The following EPHB2 variants were observed in gnomAD, a reference collection of about 807,000 sequenced individuals.
The protein encoded by EPHB2 is ephrin type-B receptor 2.
A neutral mutation model predicts 96.4 loss-of-function variants in EPHB2; 18 were observed. That is an observed-to-expected ratio of 0.19 (90% CI 0.13 to 0.28). The LOEUF (loss-of-function observed/expected upper bound fraction) is 0.28. Among genes scored for constraint, EPHB2 ranks in the 10% least tolerant of loss-of-function variants. The pLI is 1.00. For missense variants in EPHB2, 989 were observed against 1,355.4 expected (o/e 0.73, Z 4.25); for synonymous variants, 506 against 534.1 (o/e 0.95, Z 0.72).
At chr1:22,757,091 T>G (rs1644163294) in intron 1 of EPHB2, among the ~76,000 whole-genome samples, 1 of 152,148 alleles carries the variant, frequency 6.6e-6, no homozygotes, top group African/African-American at 2.4e-5. Context: ...ACTTACAAAC[T>G]TTTTTAAAAA....
chr1:22,886,342 G>A (rs1332049721), intron 6 of EPHB2, among the ~76,000 whole-genome samples: 1 of 152,208 alleles, frequency 6.6e-6, no homozygotes, highest in Non-Finnish European at 1.5e-5. Context: ...CATCAGGGGA[G>A]GAGGTTGGGA....
At chr1:22,849,821 G>GA (rs1217141874) in intron 3 of EPHB2, among the ~76,000 whole-genome samples, 1 of 152,078 alleles carries the variant, frequency 6.6e-6, no homozygotes, top group East Asian at 1.9e-4. Flanking sequence ...CACTGGCCTG[G>GA]AAAAAAAACT....
intron 3 of EPHB2, among the ~76,000 whole-genome samples, chr1:22,812,364 A>G (rs1645015515): frequency 6.6e-6 from 1 of 152,268 alleles, no homozygotes; most frequent in Non-Finnish European, 1.5e-5. Context: ...GTGGGCAGCA[A>G]TGATGTCAGT....
chr1:22,747,401 C>T (rs996963943), intron 1 of EPHB2, among the ~76,000 whole-genome samples: 4 of 152,218 alleles, frequency 2.6e-5, no homozygotes, highest in Non-Finnish European at 5.9e-5. Flanking sequence ...GCCCAAGGCC[C>T]GACTCAAAAT....
intron 3 of EPHB2, among the ~76,000 whole-genome samples, chr1:22,859,888 C>A (rs1178261787): frequency 1.3e-5 from 2 of 152,154 alleles, no homozygotes; most frequent in Non-Finnish European, 2.9e-5. Flanking sequence ...ATACTCATCA[C>A]CCCAAAAAGA....
intron 1 of EPHB2, among the ~76,000 whole-genome samples, chr1:22,768,374 C>T (rs570076041): frequency 6.6e-6 from 1 of 152,266 alleles, no homozygotes; most frequent in African/African-American, 2.4e-5. Context: ...AAGTCTTAGT[C>T]CTTCAACCTG....
intron 1 of EPHB2, among the ~76,000 whole-genome samples, chr1:22,734,406 C>A (rs1480398995): frequency 6.6e-6 from 1 of 150,554 alleles, no homozygotes; most frequent in African/African-American, 2.4e-5. Context: ...TAAAGTACCA[C>A]CAGAATGTCA....
At chr1:22,820,584 G>A (rs1245514081) in intron 3 of EPHB2, among the ~76,000 whole-genome samples, 1 of 152,100 alleles carries the variant, frequency 6.6e-6, no homozygotes, top group Non-Finnish European at 1.5e-5. Flanking sequence ...GATCACTTGA[G>A]CCCAGGAGGT....
At chr1:22,765,494 C>G (rs908201813) in intron 1 of EPHB2, among the ~76,000 whole-genome samples, 1 of 142,124 alleles carries the variant, frequency 7.0e-6, no homozygotes, top group Non-Finnish European at 1.5e-5. Flanking sequence ...TTGCAGTAAG[C>G]CAAGATGGCG....
intron 1 of EPHB2, among the ~76,000 whole-genome samples, chr1:22,766,495 C>T (rs1644309244): frequency 6.6e-6 from 1 of 152,208 alleles, no homozygotes; most frequent in South Asian, 2.1e-4. Flanking sequence ...ACTAGCCTCC[C>T]CTGAGCTAGG....
At chr1:22,719,804 A>C (rs1229875099) in intron 1 of EPHB2, among the ~76,000 whole-genome samples, 3 of 152,142 alleles carry the variant, frequency 2.0e-5, no homozygotes, top group Non-Finnish European at 4.4e-5. Flanking sequence ...GGGAAGGGAG[A>C]GCTACAAAAA....
chr1:22,853,708 A>G (rs918772721), intron 3 of EPHB2, among the ~76,000 whole-genome samples: 1 of 152,254 alleles, frequency 6.6e-6, no homozygotes, highest in African/African-American at 2.4e-5. Context: ...AGGAACTGGC[A>G]GTGCCTGCGG....
At chr1:22,829,258 C>G (rs1645268403) in intron 3 of EPHB2, among the ~76,000 whole-genome samples, 1 of 152,252 alleles carries the variant, frequency 6.6e-6, no homozygotes, top group Non-Finnish European at 1.5e-5. Flanking sequence ...AAGGTGGGAG[C>G]AGTTGCCTGG....
intron 3 of EPHB2, among the ~76,000 whole-genome samples, chr1:22,817,391 T>C (rs894712224): frequency 1.2e-4 from 18 of 152,186 alleles, no homozygotes; most frequent in African/African-American, 4.3e-4. Flanking sequence ...TCACCGAAGG[T>C]CACACAGCTA....
chr1:22,721,071 G>GT (rs1242683450), intron 1 of EPHB2, among the ~76,000 whole-genome samples: 1 of 152,192 alleles, frequency 6.6e-6, no homozygotes, highest in Non-Finnish European at 1.5e-5. Context: ...GAAAGACCGG[G>GT]TAAGGGGGTG....
In EPHB2 at chr1:22,837,150, A is replaced by G. The variant is rs564075244; in HGVS notation, c.812-25887A>G. On this transcript the variant is annotated intron_variant, in intron 3 of 15. Coordinates refer to ENST00000374630, the MANE Select transcript of EPHB2 (RefSeq NM_017449.5). ...GTCAGGGATGGGAGAGCTGTCAGTC[A>G]TTCAAAAGACGTCCCAACCAGAGGG... Among the ~76,000 whole-genome samples, 79 of 152,342 alleles carry G rather than the reference A, an allele frequency of 5.2e-4. 1 individual carries two copies. The South Asian group carries it at 0.016, about 31-fold the overall frequency.
At position 22,818,970 on chromosome 1, in the gene EPHB2, C is replaced by T. The variant is rs117169807; in HGVS notation, c.811+33894C>T. Among the ~76,000 whole-genome samples, 1,210 of 151,718 alleles carry T rather than the reference C, an allele frequency of 8.0e-3. 32 individuals carry two copies. Among genetic ancestry groups the T allele is most frequent in the East Asian group, 0.048 (245 of 5,102 alleles). On this transcript the variant is annotated intron_variant, in intron 3 of 15. Transcript: ENST00000374630. ...CCCATAGGTTAGAGTGAATGCCCCCCAACCCCAACCTAGGCTCCCCCCTCC... is the reference window on the plus strand; with the variant it reads ...CCCATAGGTTAGAGTGAATGCCCCCTAACCCCAACCTAGGCTCCCCCCTCC...
intron 1 of EPHB2, among the ~76,000 whole-genome samples, chr1:22,768,441 C>T (rs1644335087): frequency 6.6e-6 from 1 of 152,122 alleles, no homozygotes; most frequent in Admixed American, 6.5e-5. Flanking sequence ...AATCCCAGCA[C>T]TTTGGGAGGC....
At chr1:22,907,129 C>G (rs1313614408) in intron 11 of EPHB2, among the ~76,000 whole-genome samples, 172 bp downstream of exon 11, 1 of 152,230 alleles carries the variant, frequency 6.6e-6, no homozygotes, top group Non-Finnish European at 1.5e-5. Context: ...GCTAATCAAT[C>G]CCAGCACTCT....
Sources: gnomAD v4.1 joint callset for allele counts (sites outside exome capture counted in the v4.1 genomes callset) on GRCh38, gnomAD v4.1.1 for gene constraint, MANE v1.5 for transcripts, NCBI Gene and HGNC (gene_info 2026-07-23, HGNC 2026-07-21) for gene names.